Variants in ZNF384 observed in about 807,000 individuals in gnomAD.
ZNF384 encodes the protein zinc finger protein 384.
ZNF384 carries 20 observed loss-of-function variants against 65.0 expected under a neutral mutation model. The observed-to-expected ratio is 0.31, with a 90% CI of 0.22 to 0.45. ZNF384 has a LOEUF of 0.45. Ranked by LOEUF, ZNF384 falls within the 20% of genes least tolerant of loss-of-function variation. The pLI, the probability that ZNF384 is intolerant of heterozygous loss-of-function variation, is 1.00. For synonymous variants in ZNF384, 310 were observed against 303.9 expected (o/e 1.02, Z -0.21); for missense variants, 549 against 769.4 (o/e 0.71, Z 3.39).
chr12:6,680,187 ACTCC>A (rs1405877327), intron 2 of ZNF384, among the ~76,000 whole-genome samples: 9 of 151,662 alleles, frequency 5.9e-5, no homozygotes, highest in Admixed American at 5.3e-4. Flanking sequence ...CTGGTCTTGA[ACTCC>A]TAGGCTCAAG....
At chr12:6,676,039 C>T (rs746224009) in intron 7 of ZNF384, among the ~76,000 whole-genome samples, 6 of 152,210 alleles carry the variant, frequency 3.9e-5, no homozygotes, top group Non-Finnish European at 5.9e-5. Flanking sequence ...GTGGCTCACA[C>T]CTGTAATCCC....
In ZNF384 at chr12:6,673,043, G is replaced by GC; in HGVS notation, c.1004+172dup. 3.1e-6 allele frequency: 2 copies of GC among 650,508 alleles called. No homozygotes were observed. Among genetic ancestry groups the GC allele is most frequent in the Non-Finnish European group, 2.6e-6 (1 of 381,190 alleles). 40.3% of individuals were successfully genotyped at this position (650,508 alleles called of 1,614,324 possible). On this transcript the variant is annotated intron_variant, in intron 8 of 11. Coordinates refer to ENST00000683879, the MANE Select transcript of ZNF384 (RefSeq NM_001385745.1). The surrounding 1 kb of genome is among the most constrained non-coding windows in gnomAD (Gnocchi z 4.7). ...GGAATTGGAGACCACAATTTTCAAG[G>GC]CCCCCCAAATAGCTAGGATATATAA...
At chr12:6,689,388 C>G (rs1315585515), upstream of ZNF384, 1 of 152,312 alleles carries the variant, frequency 6.6e-6, no homozygotes, top group Non-Finnish European at 1.5e-5. Context: ...TGCTGCAGCT[C>G]GTGCTCCCGC....
intron 7 of ZNF384, among the ~76,000 whole-genome samples, chr12:6,676,818 C>T (rs1306141295): frequency 1.3e-5 from 2 of 152,002 alleles, no homozygotes; most frequent in Non-Finnish European, 2.9e-5. Flanking sequence ...AAACATTTTC[C>T]AGGAACACTT....
chr12:6,669,120 C>T lies in ZNF384; in HGVS notation c.1336G>A (p.Ala446Thr). The T allele has an allele frequency of 6.2e-7, 1 of 1,614,106 alleles. No individual in the cohort carries two copies. Among genetic ancestry groups the T allele is most frequent in the Non-Finnish European group, 8.5e-7 (1 of 1,179,956 alleles). The change falls in exon 11 of 12, where the codon GCA becomes ACA. Residue 446 changes from alanine (A) to threonine (T), a missense_variant. Ala to Thr is a moderately conservative substitution (Grantham distance 58). Coordinates refer to ENST00000683879, the MANE Select transcript of ZNF384 (RefSeq NM_001385745.1). ...CHNCHRAYTD[A>T]ASLEVHLSTH... ...GACAGGTGCACCTCTAGTGAGGCTG[C>T]ATCCGTGTACGCCCGATGACAGTTG...
chr12:6,679,426 G>T, intron 3 of ZNF384, 29 bp downstream of exon 3: 1 of 1,605,446 alleles, frequency 6.2e-7, no homozygotes, highest in South Asian at 1.1e-5. Flanking sequence ...ACTGAGACTT[G>T]GAGAGAGCAA....
In ZNF384 at chr12:6,668,038, CGCTGCT is replaced by C; in HGVS notation, c.1497_1502del (p.Ala502_Ala503del). On this transcript the variant is annotated inframe_deletion, in exon 12 of 12. Coordinates refer to ENST00000683879, the MANE Select transcript of ZNF384 (RefSeq NM_001385745.1). ...GAGCCTGGGCCTGGGCCACTGCTGC[CGCTGCT>C]GCTGCTGCCTGCACCTGTTGCTGAA... The C allele has an allele frequency of 6.2e-7, 1 of 1,613,050 alleles. No homozygotes were observed. The highest frequency in any genetic ancestry group is 8.5e-7 in the Non-Finnish European group (1 of 1,179,476).
chr12:6,688,597 G>C (rs1958827734), intron 1 of ZNF384: 2 of 152,430 alleles, frequency 1.3e-5, no homozygotes, highest in Non-Finnish European at 2.9e-5. Context: ...CAAAGCTGAG[G>C]GCTGGGGGAT....
intron 10 of ZNF384, among the ~76,000 whole-genome samples, chr12:6,670,135 A>G (rs1368958575): frequency 1.3e-5 from 2 of 152,206 alleles, no homozygotes; most frequent in African/African-American, 4.8e-5. Context: ...TTAAGACATT[A>G]AAGACCCCTG....
chr12:6,668,121 G>A lies in ZNF384; in HGVS notation c.1426-6C>T, dbSNP rs1175979602. ...TGTTTCATAAGGTATGTTTCCTGAGGGAGATGGTAAAAAGAAGTTGAGGGA... is the reference window on the plus strand; with the variant it reads ...TGTTTCATAAGGTATGTTTCCTGAGAGAGATGGTAAAAAGAAGTTGAGGGA... On this transcript the variant is annotated splice_polypyrimidine_tract_variant and splice_region_variant and intron_variant, in intron 11 of 11. Transcript: ENST00000683879. 1.9e-6 allele frequency: 3 copies of A among 1,565,102 alleles called. No homozygotes were observed. Among genetic ancestry groups the A allele is most frequent in the East Asian group, 2.3e-5 (1 of 44,422 alleles).
chr12:6,667,510 C>T lies in ZNF384; in HGVS notation c.*204G>A. 1 of 725,860 alleles carries T rather than the reference C, an allele frequency of 1.4e-6. No homozygotes were observed. The highest frequency in any genetic ancestry group is 1.7e-5 in the African/African-American group (1 of 57,202). The allele number at this position is 725,860 out of a possible 1,614,324, so 45.0% of individuals were successfully genotyped here. ...TGGATGACACCATCAGCTCAGTATT[C>T]CTTTGCAATCAGGAGGGCTGATGTT... On this transcript the variant is annotated 3_prime_UTR_variant, in exon 12 of 12. Transcript: ENST00000683879.
Position 6,673,662 on chromosome 12 carries a change from T to C in ZNF384, c.780-222A>G, listed in dbSNP as rs910706241. Among the ~76,000 whole-genome samples the C allele has an allele frequency of 3.9e-5, 6 of 152,158 alleles. No individual in the cohort carries two copies. The highest frequency in any genetic ancestry group is 5.9e-5 in the Non-Finnish European group (4 of 68,018). ...TTGCTGAATGACTGGACTGCCTCCA[T>C]GTGCAAAAATGTATTTCAACCAGAT... On this transcript the variant is annotated intron_variant, in intron 7 of 11. Transcript: ENST00000683879. The surrounding 1 kb of genome is among the most constrained non-coding windows in gnomAD (Gnocchi z 4.7).
At chr12:6,670,303 C>T (rs1451770617) in intron 10 of ZNF384, among the ~76,000 whole-genome samples, 1 of 151,966 alleles carries the variant, frequency 6.6e-6, no homozygotes, top group Non-Finnish European at 1.5e-5. Context: ...TGGTGCATGC[C>T]TAGAATCCCA....
At position 6,670,601 on chromosome 12, in the gene ZNF384, T is replaced by C. The variant is rs372697721; in HGVS notation, c.1266+159A>G. Among the ~76,000 whole-genome samples, 22 of 152,340 alleles carry C rather than the reference T, an allele frequency of 1.4e-4. No homozygotes were observed. In the South Asian group the frequency reaches 4.3e-3, roughly 30 times the overall value. On this transcript the variant is annotated intron_variant, in intron 10 of 11. Transcript: ENST00000683879. ...TTTCAGGTTTTTCAGTTTTACAACGTCTATGTAGACAGCTATTACCCACAT... is the reference window on the plus strand; with the variant it reads ...TTTCAGGTTTTTCAGTTTTACAACGCCTATGTAGACAGCTATTACCCACAT...
At position 6,672,071 on chromosome 12, in the gene ZNF384, A is replaced by G; in HGVS notation, c.1187+279T>C. 2.8e-6 allele frequency: 1 copy of G among 361,034 alleles called. No homozygotes were observed. The highest frequency in any genetic ancestry group is 5.1e-6 in the Non-Finnish European group (1 of 195,622). The allele number at this position is 361,034 out of a possible 1,614,324, so 22.4% of individuals were successfully genotyped here. On this transcript the variant is annotated intron_variant, in intron 9 of 11. Coordinates refer to ENST00000683879, the MANE Select transcript of ZNF384 (RefSeq NM_001385745.1). This position sits in a 1 kb window ranked among gnomAD's most constrained non-coding sequence, Gnocchi z 4.4. ...TATTTTCAGGGAGGAAAATTAGAGA[A>G]AAGTTGTTTCTACTCCAGGTACGTG...
Position 6,673,180 on chromosome 12 carries a change from C to A in ZNF384, c.1004+36G>T. The A allele has an allele frequency of 6.3e-7, 1 of 1,592,032 alleles. No homozygotes were observed. The highest frequency in any genetic ancestry group is 8.6e-7 in the Non-Finnish European group (1 of 1,163,098). ...GCAGGCAACATGGTCTTAGGGTTCACGGCCAGGTGGTGGGGTAAACCAAGA... is the reference window on the plus strand; with the variant it reads ...GCAGGCAACATGGTCTTAGGGTTCAAGGCCAGGTGGTGGGGTAAACCAAGA... On this transcript the variant is annotated intron_variant, in intron 8 of 11. Coordinates refer to ENST00000683879, the MANE Select transcript of ZNF384 (RefSeq NM_001385745.1). This position sits in a 1 kb window ranked among gnomAD's most constrained non-coding sequence, Gnocchi z 4.7.
chr12:6,678,275 C>T lies in ZNF384; in HGVS notation c.538G>A (p.Gly180Ser). ...GGAGCCACACTGCCACCTCCACCAC[C>T]ACCTCCGCCTCCTTCCTCGGTTAGG... ...STLTEEGGGG[G>S]GGGGSVAPKP... Residue 180 changes from glycine to serine, a missense_variant, in exon 6 of 12, where the codon GGT becomes AGT. Physicochemically the swap from Gly to Ser is moderately conservative, Grantham distance 56. Transcript: ENST00000683879. This position sits in a 1 kb window ranked among gnomAD's most constrained non-coding sequence, Gnocchi z 4.9. 2.5e-6 allele frequency: 4 copies of T among 1,614,184 alleles called. No individual in the cohort carries two copies. Among genetic ancestry groups the T allele is most frequent in the Non-Finnish European group, 3.4e-6 (4 of 1,180,042 alleles).
chr12:6,687,804 G>GC (rs2137532431), intron 2 of ZNF384, among the ~76,000 whole-genome samples: 1 of 152,238 alleles, frequency 6.6e-6, no homozygotes, highest in East Asian at 1.9e-4. Flanking sequence ...ACACAGGAAA[G>GC]CAATTCCATA....
Position 6,673,148 on chromosome 12 carries a change from A to C in ZNF384, c.1004+68T>G. ...AAAGAATAATACATGTGGAGAGAGGAGTAGGTGCAGGCAACATGGTCTTAG... is the reference window on the plus strand; with the variant it reads ...AAAGAATAATACATGTGGAGAGAGGCGTAGGTGCAGGCAACATGGTCTTAG... On this transcript the variant is annotated intron_variant, in intron 8 of 11. Transcript: ENST00000683879. This position sits in a 1 kb window ranked among gnomAD's most constrained non-coding sequence, Gnocchi z 4.7. 1 of 1,381,014 alleles carries C rather than the reference A, an allele frequency of 7.2e-7. No individual in the cohort carries two copies. The highest frequency in any genetic ancestry group is 1.0e-6 in the Non-Finnish European group (1 of 986,296). The allele number at this position is 1,381,014 out of a possible 1,614,324, so 85.5% of individuals were successfully genotyped here.
Sources: allele counts gnomAD v4.1 joint callset (sites outside exome capture counted in the v4.1 genomes callset), GRCh38; gene constraint gnomAD v4.1.1; non-coding constraint Gnocchi (gnomAD v3.1); transcripts MANE v1.5; gene names NCBI Gene and HGNC (gene_info 2026-07-23, HGNC 2026-07-21).